Variants in STK3 observed in about 807,000 individuals in gnomAD.
STK3 encodes serine/threonine-protein kinase 3.
In STK3, 41 loss-of-function variants were observed where a neutral mutation model predicts 58.0. That is an observed-to-expected ratio of 0.71 (90% CI 0.55 to 0.92). The LOEUF (loss-of-function observed/expected upper bound fraction) is 0.92, where lower values mean the gene tolerates loss of function less well. STK3 is among the 40% of genes least tolerant of loss of function. STK3 has a pLI of 0.00. For missense variants in STK3, 479 were observed against 602.7 expected (o/e 0.79, Z 2.15); for synonymous variants, 170 against 191.0 (o/e 0.89, Z 0.91).
At chr8:98,665,202 T>C (rs1028031143) in intron 6 of STK3, among the ~76,000 whole-genome samples, 1 of 152,230 alleles carries the variant, frequency 6.6e-6, no homozygotes, top group African/African-American at 2.4e-5. Flanking sequence ...TTTTTACAGA[T>C]GATTACGTTA....
At chr8:98,733,618 T>C (rs948211116) in intron 4 of STK3, among the ~76,000 whole-genome samples, 4 of 152,220 alleles carry the variant, frequency 2.6e-5, no homozygotes, top group African/African-American at 9.7e-5. Flanking sequence ...TAACGGATTC[T>C]CTCACCAATG....
chr8:98,359,533 A>AAAAAAAAAAG, the STK3 span, among the ~76,000 whole-genome samples: 1 of 142,338 alleles, frequency 7.0e-6, no homozygotes, highest in African/African-American at 2.6e-5. Flanking sequence ...AAAAAAAAAA[A>AAAAAAAAAAG]AAAGAAAGAA....
intron 1 of STK3, among the ~76,000 whole-genome samples, chr8:98,821,288 T>C (rs1262100541): frequency 3.3e-5 from 5 of 152,096 alleles, no homozygotes; most frequent in Admixed American, 2.6e-4. Flanking sequence ...AATCTAACTA[T>C]TGCCTGATGA....
intron 10 of STK3, among the ~76,000 whole-genome samples, chr8:98,513,728 C>T (rs977268669): frequency 1.6e-4 from 25 of 152,074 alleles, no homozygotes; most frequent in Admixed American, 6.6e-4. Flanking sequence ...CCCTATCTAC[C>T]CACTAATTCT....
chr8:98,352,796 C>A, the STK3 span, among the ~76,000 whole-genome samples: 348 of 152,222 alleles, frequency 2.3e-3, no homozygotes, highest in Non-Finnish European at 3.4e-3. Flanking sequence ...TGTACAGTAA[C>A]CTTTTAACCA....
At chr8:98,764,988 A>G (rs1830854169) in intron 3 of STK3, among the ~76,000 whole-genome samples, 1 of 152,212 alleles carries the variant, frequency 6.6e-6, no homozygotes, top group Non-Finnish European at 1.5e-5. Flanking sequence ...GCTTCAAGGA[A>G]GATAATGGGT....
chr8:98,663,989 C>T (rs546378232), intron 6 of STK3, among the ~76,000 whole-genome samples: 6 of 152,194 alleles, frequency 3.9e-5, no homozygotes, highest in African/African-American at 1.4e-4. Context: ...TTGCCTCATG[C>T]ACAATAAAAA....
At chr8:98,514,919 C>A (rs1315189945) in intron 10 of STK3, among the ~76,000 whole-genome samples, 2 of 152,086 alleles carry the variant, frequency 1.3e-5, no homozygotes, top group African/African-American at 2.4e-5. Flanking sequence ...CTGTTCTTCC[C>A]TTTTTCTATT....
chr8:98,526,586 C>T (rs547314618), intron 10 of STK3, 156 bp downstream of exon 10: 9 of 556,406 alleles, frequency 1.6e-5, no homozygotes, highest in Non-Finnish European at 2.1e-5. Context: ...TTCACAATTT[C>T]TCTAACCATG....
At chr8:98,477,702 C>CGGGGGG (rs1286720911) in intron 10 of STK3, among the ~76,000 whole-genome samples, 63 of 2,252 alleles carry the variant, frequency 0.028, 4 homozygotes, top group Non-Finnish European at 0.031. Flanking sequence ...TCACACTTGG[C>CGGGGGG]GGGGGGGGGG....
intron 10 of STK3, among the ~76,000 whole-genome samples, chr8:98,496,471 C>T (rs893275209): frequency 6.6e-6 from 1 of 152,128 alleles, no homozygotes; most frequent in South Asian, 2.1e-4. Context: ...AACCTATACT[C>T]TGAAAACCAT....
At chr8:98,914,526 G>A (rs1156876866) in intron 1 of STK3, among the ~76,000 whole-genome samples, 1 of 151,190 alleles carries the variant, frequency 6.6e-6, no homozygotes, top group Non-Finnish European at 1.5e-5. Context: ...CTTAAAATAC[G>A]GGGCTTGAAA....
rs1813720964 is a variant in STK3 at position 98,579,876 on chromosome 8, C to G, written c.823-87G>C. On this transcript the variant is annotated intron_variant, in intron 7 of 10. Coordinates refer to ENST00000419617, the MANE Select transcript of STK3 (RefSeq NM_006281.4). ...TGTTAAAACAACATGTAAATGTTAA[C>G]CAGGATCACAGGCTTCAATGATTGT... 5 of 1,212,824 alleles carry G rather than the reference C, an allele frequency of 4.1e-6. No homozygotes were observed. The African/African-American group carries it at 7.9e-5, about 19-fold the overall frequency. The allele number at this position is 1,212,824 out of a possible 1,614,324, so 75.1% of individuals were successfully genotyped here. A position where few individuals can be genotyped will look rare whatever the true frequency, so the allele number is the denominator to read the frequency against.
At chr8:98,570,060 T>C (rs562099176) in intron 8 of STK3, among the ~76,000 whole-genome samples, 1 of 147,728 alleles carries the variant, frequency 6.8e-6, no homozygotes, top group Non-Finnish European at 1.5e-5. Flanking sequence ...TTAAAGAATA[T>C]AAAAATATAT....
chr8:98,489,721 T>C (rs1338771935), intron 10 of STK3, among the ~76,000 whole-genome samples: 1 of 152,166 alleles, frequency 6.6e-6, no homozygotes, highest in Non-Finnish European at 1.5e-5. Context: ...TAACTGAAAA[T>C]TCCACTTTTA....
chr8:98,616,850 C>T (rs1817773862), intron 6 of STK3, among the ~76,000 whole-genome samples: 1 of 149,722 alleles, frequency 6.7e-6, no homozygotes, highest in South Asian at 2.1e-4. Context: ...TAGACTCCCA[C>T]ACATTAATAA....
intron 9 of STK3, among the ~76,000 whole-genome samples, chr8:98,542,296 CA>C (rs1381754577): frequency 2.0e-4 from 30 of 152,136 alleles, no homozygotes; most frequent in Admixed American, 2.0e-4. Context: ...TCAAATTTCA[CA>C]AACAGTGGAA....
chr8:98,817,578 C>T (rs190887930), intron 1 of STK3, among the ~76,000 whole-genome samples: 1 of 152,038 alleles, frequency 6.6e-6, no homozygotes, highest in East Asian at 1.9e-4. Context: ...TTATGAAATT[C>T]CAAGAAAGAG....
chr8:98,579,624 T>C, intron 8 of STK3, 40 bp downstream of exon 8: 3 of 1,595,136 alleles, frequency 1.9e-6, no homozygotes, highest in Non-Finnish European at 2.6e-6. Flanking sequence ...GACAAATAAC[T>C]CAGAAGAAAA....
Sources: gnomAD v4.1 joint callset for allele counts (sites outside exome capture counted in the v4.1 genomes callset) on GRCh38, gnomAD v4.1.1 for gene constraint, MANE v1.5 for transcripts, NCBI Gene and HGNC (gene_info 2026-07-23, HGNC 2026-07-21) for gene names.